The following C1orf21 variants were observed in gnomAD, a reference collection of about 807,000 sequenced individuals.
The protein encoded by C1orf21 is chromosome 1 open reading frame 21.
A neutral mutation model predicts 18.7 loss-of-function variants in C1orf21; 3 were observed. The ratio of observed to expected loss-of-function variants is 0.16; its 90% CI spans 0.07 to 0.42. The LOEUF is 0.42. C1orf21 is among the 10% of genes least tolerant of loss of function. C1orf21 has a pLI of 0.99. For synonymous variants in C1orf21, 41 were observed against 46.4 expected, an observed-to-expected ratio of 0.88 and a Z score of 0.47; for missense variants, 104 against 143.6, an observed-to-expected ratio of 0.72 and a Z score of 1.41.
chr1:184,503,479 T>C (rs1288993725), intron 2 of C1orf21, among the ~76,000 whole-genome samples: 5 of 152,108 alleles, frequency 3.3e-5, no homozygotes. Context: ...CTGGTTTTCC[T>C]TGGGCGCTCT....
intron 2 of C1orf21, among the ~76,000 whole-genome samples, chr1:184,483,547 CT>C (rs766839797): frequency 1.3e-5 from 2 of 152,142 alleles, no homozygotes; most frequent in African/African-American, 2.4e-5. Flanking sequence ...ACTTGAGTCA[CT>C]TTTGGCTTTT....
intron 2 of C1orf21, among the ~76,000 whole-genome samples, chr1:184,489,448 C>T (rs1657784864): frequency 6.6e-6 from 1 of 152,188 alleles, no homozygotes. Context: ...GAACAGGTGG[C>T]ATCTGTCTCA....
chr1:184,557,309 G>A (rs1456018188), intron 3 of C1orf21, among the ~76,000 whole-genome samples: 2 of 152,048 alleles, frequency 1.3e-5, no homozygotes, highest in Non-Finnish European at 2.9e-5. Flanking sequence ...ACATGGATAA[G>A]TTCTTTAGTG....
At chr1:184,575,800 AC>A (rs575502986) in intron 3 of C1orf21, among the ~76,000 whole-genome samples, 90 of 151,666 alleles carry the variant, frequency 5.9e-4, no homozygotes, top group African/African-American at 2.1e-3. Flanking sequence ...CTGCTAAGAG[AC>A]CCCCCAACCC....
At chr1:184,479,253 A>C (rs1367367998) in intron 2 of C1orf21, among the ~76,000 whole-genome samples, 1 of 152,070 alleles carries the variant, frequency 6.6e-6, no homozygotes, top group Non-Finnish European at 1.5e-5. Context: ...AACTAGAGTC[A>C]TTACTGTCAT....
At chr1:184,404,100 T>A (rs1194024166) in intron 1 of C1orf21, among the ~76,000 whole-genome samples, 1 of 152,172 alleles carries the variant, frequency 6.6e-6, no homozygotes, top group Non-Finnish European at 1.5e-5. Flanking sequence ...TTAGATATGG[T>A]CTACATTTTA....
chr1:184,605,811 G>T (rs1300074746), intron 5 of C1orf21, among the ~76,000 whole-genome samples: 1 of 152,216 alleles, frequency 6.6e-6, no homozygotes, highest in Non-Finnish European at 1.5e-5. Flanking sequence ...AGTAGTGTTT[G>T]CTGTGTTGTA....
At position 184,622,943 on chromosome 1, in the gene C1orf21, G is replaced by A. The variant is rs367865890; in HGVS notation, c.*3387G>A. The A allele has an allele frequency of 2.0e-5, 3 of 152,290 alleles. No individual in the cohort carries two copies. Among genetic ancestry groups the A allele is most frequent in the South Asian group, 4.1e-4 (2 of 4,826 alleles). 9.4% of individuals were successfully genotyped at this position (152,290 alleles called of 1,614,324 possible). ...CAGGGATGATGCAGCCCCCTTCTTG[G>A]TCCCATGTGATGTCATCCTGCTTTG... On this transcript the variant is annotated 3_prime_UTR_variant, in exon 6 of 6. Transcript: ENST00000235307.
At chr1:184,585,251 G>A (rs907311465) in intron 3 of C1orf21, among the ~76,000 whole-genome samples, 1 of 152,074 alleles carries the variant, frequency 6.6e-6, no homozygotes, top group South Asian at 2.1e-4. Context: ...GATACTAAGA[G>A]GCTATTTGCT....
At chr1:184,586,499 G>A (rs1659355922) in intron 3 of C1orf21, among the ~76,000 whole-genome samples, 1 of 151,946 alleles carries the variant, frequency 6.6e-6, no homozygotes, top group Non-Finnish European at 1.5e-5. Flanking sequence ...TAGCCAGGAT[G>A]GTCTGGATCT....
At chr1:184,504,199 G>C (rs527367962) in intron 2 of C1orf21, among the ~76,000 whole-genome samples, 2 of 152,258 alleles carry the variant, frequency 1.3e-5, no homozygotes, top group East Asian at 3.9e-4. Flanking sequence ...TCAGCCTACT[G>C]TTCCCGACGT....
intron 3 of C1orf21, among the ~76,000 whole-genome samples, chr1:184,572,186 CA>C (rs1195015436): frequency 2.6e-5 from 4 of 152,158 alleles, no homozygotes; most frequent in Admixed American, 6.5e-5. Flanking sequence ...GACAAGGAAT[CA>C]AAAGCTGTGT....
chr1:184,514,076 C>G (rs2101966536), intron 3 of C1orf21, among the ~76,000 whole-genome samples: 1 of 152,284 alleles, frequency 6.6e-6, no homozygotes, highest in South Asian at 2.1e-4. Context: ...GTGGGAGGAT[C>G]ACTTGAGGCC....
intron 1 of C1orf21, among the ~76,000 whole-genome samples, chr1:184,436,644 A>G (rs1049833249): frequency 2.0e-5 from 3 of 152,162 alleles, no homozygotes; most frequent in African/African-American, 7.2e-5. Context: ...ACATAAAGGT[A>G]ATAAACTTTC....
chr1:184,392,819 C>CTTTTTTT (rs397861528), intron 1 of C1orf21, among the ~76,000 whole-genome samples: 22 of 96,822 alleles, frequency 2.3e-4, no homozygotes, highest in African/African-American at 4.1e-4. Flanking sequence ...GACATTCCTC[C>CTTTTTTT]TTTTTTTTTT....
At chr1:184,576,306 G>A (rs1659189152) in intron 3 of C1orf21, among the ~76,000 whole-genome samples, 2 of 152,130 alleles carry the variant, frequency 1.3e-5, no homozygotes. Flanking sequence ...TGTATTTTTA[G>A]TAGAGATGGG....
At chr1:184,617,386 G>A (rs1009474791) in intron 5 of C1orf21, among the ~76,000 whole-genome samples, 9 of 152,228 alleles carry the variant, frequency 5.9e-5, no homozygotes, top group Admixed American at 2.0e-4. Context: ...AGCCTCGTGA[G>A]TTGGGGATCT....
chr1:184,582,215 C>T lies in C1orf21; in HGVS notation c.190-8524C>T, dbSNP rs149015935. ...GCTTGAGAAATCAAGTGTAAGACATCAAATGGGATTGTTTTCTTAGAGATT... is the reference window on the plus strand; with the variant it reads ...GCTTGAGAAATCAAGTGTAAGACATTAAATGGGATTGTTTTCTTAGAGATT... On this transcript the variant is annotated intron_variant, in intron 3 of 5. Coordinates refer to ENST00000235307, the MANE Select transcript of C1orf21 (RefSeq NM_030806.4). 6.6e-5 allele frequency among the ~76,000 whole-genome samples: 10 copies of T among 152,322 alleles called. No individual in the cohort carries two copies. The East Asian group carries it at 1.7e-3, about 26-fold the overall frequency.
chr1:184,614,632 T>G (rs1323309041), intron 5 of C1orf21, among the ~76,000 whole-genome samples: 1 of 152,220 alleles, frequency 6.6e-6, no homozygotes, highest in Non-Finnish European at 1.5e-5. Context: ...ACATTTATTG[T>G]GCACTTAATT....
Sources: allele counts gnomAD v4.1 joint callset (sites outside exome capture counted in the v4.1 genomes callset), GRCh38; gene constraint gnomAD v4.1.1; transcripts MANE v1.5; gene names NCBI Gene and HGNC (gene_info 2026-07-23, HGNC 2026-07-21).